The following CACNA1G variants were observed in gnomAD, a reference collection of about 807,000 sequenced individuals.
CACNA1G encodes calcium voltage-gated channel subunit alpha1 G.
In CACNA1G, 67 loss-of-function variants were observed where a neutral mutation model predicts 219.4. The ratio of observed to expected loss-of-function variants is 0.31; its 90% CI spans 0.25 to 0.37. The LOEUF (loss-of-function observed/expected upper bound fraction) is 0.37. CACNA1G is among the 10% of genes least tolerant of loss of function. The probability of loss-of-function intolerance (pLI) is 1.00; values close to 1 mark genes in which losing one functional copy is unlikely to be tolerated. For missense variants in CACNA1G, 2,380 were observed against 3,231.4 expected (o/e 0.74, Z 6.39); for synonymous variants, 1,296 against 1,345.3 (o/e 0.96, Z 0.80).
intron 14 of CACNA1G, among the ~76,000 whole-genome samples, chr17:50,595,437 A>G (rs2045332471): frequency 1.3e-5 from 2 of 152,304 alleles, no homozygotes; most frequent in Admixed American, 1.3e-4. Flanking sequence ...CAGTGGAGTC[A>G]AGATCTGGCC....
In CACNA1G at chr17:50,618,876, C is replaced by T. The variant is rs769256484; in HGVS notation, c.5649C>T (p.His1883=). The T allele has an allele frequency of 6.3e-5, 101 of 1,612,538 alleles. No individual in the cohort carries two copies. Among genetic ancestry groups the T allele is most frequent in the Non-Finnish European group, 8.4e-5 (99 of 1,179,656 alleles). The change falls in exon 33 of 38, where the codon CAC becomes CAT. Residue 1883 remains histidine (H), a synonymous_variant. Transcript: ENST00000359106. This position sits in a 1 kb window ranked among gnomAD's most constrained non-coding sequence, Gnocchi z 5.3. ...LEMKTLSPQP[H]SPLGSPFLWP... ...TGAAGACCCTCAGCCCCCAGCCCCA[C>T]TCGCCACTGGGCAGCCCCTTCCTCT...
At position 50,621,485 on chromosome 17, in the gene CACNA1G, C is replaced by T. The variant is rs1349946555; in HGVS notation, c.5926-175C>T. Among the ~76,000 whole-genome samples the T allele has an allele frequency of 2.0e-5, 3 of 152,090 alleles. No homozygotes were observed. The highest frequency in any genetic ancestry group is 2.0e-4 in the Admixed American group (3 of 15,280). ...GGGGGTTGAAGTGGGTGCGGGGAGG[C>T]ACTGTCAGCTTGTTTGGGGAAAGGG... On this transcript the variant is annotated intron_variant, in intron 34 of 37. Coordinates refer to ENST00000359106, the MANE Select transcript of CACNA1G (RefSeq NM_018896.5). This position sits in a 1 kb window ranked among gnomAD's most constrained non-coding sequence, Gnocchi z 4.6.
At chr17:50,583,015 T>C (rs1598268695) in intron 9 of CACNA1G, among the ~76,000 whole-genome samples, 1 of 151,988 alleles carries the variant, frequency 6.6e-6, no homozygotes, top group Non-Finnish European at 1.5e-5. Flanking sequence ...GAGGAGGTGG[T>C]CCAGATATGG....
chr17:50,608,525 G>GATATATATATAT (rs3063068), intron 25 of CACNA1G, among the ~76,000 whole-genome samples: 8 of 141,734 alleles, frequency 5.6e-5, no homozygotes, highest in African/African-American at 1.8e-4. Flanking sequence ...TTTCTACCAT[G>GATATATATATAT]ATATATATAT....
chr17:50,594,901 C>A, intron 13 of CACNA1G, 92 bp from the exon 14 acceptor site: 1 of 977,188 alleles, frequency 1.0e-6, no homozygotes, highest in South Asian at 1.4e-5. Flanking sequence ...TGCGCCCCTC[C>A]TTTTCTTCAT....
Position 50,626,453 on chromosome 17 carries a change from C to T in CACNA1G, c.6836C>T (p.Ser2279Phe). Residue 2279 changes from serine (S) to phenylalanine (F), a missense_variant, in exon 38 of 38, where the codon TCC (serine) becomes TTC (phenylalanine). Physicochemically the swap from Ser to Phe is radical, Grantham distance 155 (BLOSUM62 -2). Transcript: ENST00000359106. The surrounding 1 kb of genome is among the most constrained non-coding windows in gnomAD (Gnocchi z 4.3). ...SIAVSCLDSG[S>F]QPHLGTDPSN... ...GCCGTCAGCTGCCTGGACAGCGGCT[C>T]CCAACCCCACCTGGGCACAGACCCC... 6 of 1,603,272 alleles carry T rather than the reference C, an allele frequency of 3.7e-6. No homozygotes were observed. Among genetic ancestry groups the T allele is most frequent in the Non-Finnish European group, 5.1e-6 (6 of 1,175,690 alleles).
At chr17:50,588,789 A>G (rs1638392909) in intron 9 of CACNA1G, among the ~76,000 whole-genome samples, 1 of 152,108 alleles carries the variant, frequency 6.6e-6, no homozygotes, top group Admixed American at 6.5e-5. Flanking sequence ...CCTGCCTTTG[A>G]ACAGTCTGAA....
In CACNA1G at chr17:50,596,193, G is replaced by T. The variant is rs1312851889; in HGVS notation, c.2980-369G>T. Among the ~76,000 whole-genome samples the T allele has an allele frequency of 6.6e-6, 1 of 152,296 alleles. No individual in the cohort carries two copies. The highest frequency in any genetic ancestry group is 1.5e-5 in the Non-Finnish European group (1 of 68,026). On this transcript the variant is annotated intron_variant, in intron 14 of 37. Coordinates refer to ENST00000359106, the MANE Select transcript of CACNA1G (RefSeq NM_018896.5). This position sits in a 1 kb window ranked among gnomAD's most constrained non-coding sequence, Gnocchi z 4.8. Reference sequence around the variant, plus strand: ...CCTCCAGTGAACTTTTGCAAGAGAGGCTCTAGTGACCACTTCACTCAGGTC... The same window carrying T: ...CCTCCAGTGAACTTTTGCAAGAGAGTCTCTAGTGACCACTTCACTCAGGTC...
chr17:50,580,018 G>T (rs1266235862), intron 9 of CACNA1G, among the ~76,000 whole-genome samples: 1 of 152,074 alleles, frequency 6.6e-6, no homozygotes, highest in Non-Finnish European at 1.5e-5. Context: ...TGCTCGACCT[G>T]GCCAGGTGCA....
Position 50,600,836 on chromosome 17 carries a change from A to G in CACNA1G, c.3791+10A>G, listed in dbSNP as rs1317453278. 6.2e-7 allele frequency: 1 copy of G among 1,609,778 alleles called. No individual in the cohort carries two copies. Among genetic ancestry groups the G allele is most frequent in the South Asian group, 1.1e-5 (1 of 90,978 alleles). On this transcript the variant is annotated intron_variant, in intron 18 of 37. Transcript: ENST00000359106. This position sits in a 1 kb window ranked among gnomAD's most constrained non-coding sequence, Gnocchi z 4.1. Reference sequence around the variant, plus strand: ...TCCCTCCTCAGTCCAGGTAAGTGACAGGGCAGGGGTCTGACCTGTGTCCCG... The same window carrying G: ...TCCCTCCTCAGTCCAGGTAAGTGACGGGGCAGGGGTCTGACCTGTGTCCCG...
intron 9 of CACNA1G, 55 bp from the exon 10 acceptor site, chr17:50,590,416 G>A: frequency 6.3e-7 from 1 of 1,599,476 alleles, no homozygotes; most frequent in Non-Finnish European, 8.5e-7. Flanking sequence ...TTGGAGGACT[G>A]GATCGAGGGG....
chr17:50,602,808 C>G lies in CACNA1G; in HGVS notation c.3916-12C>G, dbSNP rs2047025033. The G allele has an allele frequency of 3.1e-6, 5 of 1,613,510 alleles. No homozygotes were observed. The highest frequency in any genetic ancestry group is 4.2e-6 in the Non-Finnish European group (5 of 1,179,728). ...TTCCTGGCGGGCAACCCCTGCCTCC[C>G]CTCTCTTGCAGGAACGCATCTTCCT... On this transcript the variant is annotated splice_polypyrimidine_tract_variant and intron_variant, in intron 19 of 37. Transcript: ENST00000359106.
Position 50,617,705 on chromosome 17 carries a change from G to T in CACNA1G, c.5155+134G>T. On this transcript the variant is annotated intron_variant, in intron 29 of 37. Coordinates refer to ENST00000359106, the MANE Select transcript of CACNA1G (RefSeq NM_018896.5). The surrounding 1 kb of genome is among the most constrained non-coding windows in gnomAD (Gnocchi z 5.8). Reference sequence around the variant, plus strand: ...GGGTCTTTCTCCCAGCTTCTGCCAAGGGAGGCTGGAGACAGGGCTGAGGAT... The same window carrying T: ...GGGTCTTTCTCCCAGCTTCTGCCAATGGAGGCTGGAGACAGGGCTGAGGAT... 1 of 1,439,518 alleles carries T rather than the reference G, an allele frequency of 6.9e-7. No homozygotes were observed. The highest frequency in any genetic ancestry group is 2.4e-5 in the East Asian group (1 of 41,890). 89.2% of individuals were successfully genotyped at this position (1,439,518 alleles called of 1,614,324 possible).
In CACNA1G at chr17:50,596,844, A is replaced by G; in HGVS notation, c.3179A>G (p.Glu1060Gly). The change falls in exon 16 of 38, where the codon GAG becomes GGG. Residue 1060 changes from glutamate (E) to glycine (G), a missense_variant. Transcript: ENST00000359106. This position sits in a 1 kb window ranked among gnomAD's most constrained non-coding sequence, Gnocchi z 4.8. ...AAGAGCACCAGCACGGGCCTGGGCG[A>G]GGCGCTGGGCCCTGCGTCGCGCCGC... ...LPKSTSTGLG[E>G]ALGPASRRTS... The G allele has an allele frequency of 6.2e-7, 1 of 1,605,342 alleles. No homozygotes were observed.
In CACNA1G at chr17:50,578,200, G is replaced by A; in HGVS notation, c.1937G>A (p.Ser646Asn). The A allele has an allele frequency of 6.3e-7, 1 of 1,579,610 alleles. No individual in the cohort carries two copies. Among genetic ancestry groups the A allele is most frequent in the Non-Finnish European group, 8.6e-7 (1 of 1,161,004 alleles). The change falls in exon 9 of 38, where the codon AGC becomes AAC. Residue 646 changes from serine to asparagine, a missense_variant. Ser to Asn is a conservative substitution (Grantham distance 46). Coordinates refer to ENST00000359106, the MANE Select transcript of CACNA1G (RefSeq NM_018896.5). This position sits in a 1 kb window ranked among gnomAD's most constrained non-coding sequence, Gnocchi z 4.5. ...TCTCCTGTTCCAGGTGCCTGCCAAA[G>A]CTCTTGCAAGATCTCCAGCCCTTGC... ...LETQSTGACQ[S>N]SCKISSPCLK...
At chr17:50,594,309 A>C (rs928149598) in intron 13 of CACNA1G, among the ~76,000 whole-genome samples, 1 of 152,248 alleles carries the variant, frequency 6.6e-6, no homozygotes, top group Non-Finnish European at 1.5e-5. Flanking sequence ...ATAACATCAG[A>C]GCCATCATCT....
intron 36 of CACNA1G, 31 bp from the exon 37 acceptor site, chr17:50,624,324 TCCCCC>T: frequency 8.5e-7 from 1 of 1,177,664 alleles, no homozygotes; most frequent in Non-Finnish European, 1.2e-6. Context: ...CTCCATTCTC[TCCCCC>T]CACCCCTCCC....
intron 24 of CACNA1G, chr17:50,607,232 A>G (rs969642833): frequency 1.1e-5 from 6 of 531,498 alleles, no homozygotes; most frequent in Non-Finnish European, 2.1e-5. Flanking sequence ...GGCTGTGTGC[A>G]GTGGCTCACA....
chr17:50,599,865 G>GC lies in CACNA1G; in HGVS notation c.3690+10dup, dbSNP rs764039139. On this transcript the variant is annotated splice_region_variant and intron_variant, in intron 17 of 37. Coordinates refer to ENST00000359106, the MANE Select transcript of CACNA1G (RefSeq NM_018896.5). ...CCGATGACGAGGGCAACCTGGTGAG[G>GC]CCCCTGTGGGCACAGTGACCCCTCA... 3.7e-6 allele frequency: 6 copies of GC among 1,601,728 alleles called. No homozygotes were observed. The highest frequency in any genetic ancestry group is 1.6e-4 in the Middle Eastern group (1 of 6,068).
Sources: gnomAD v4.1 joint callset for allele counts (sites outside exome capture counted in the v4.1 genomes callset) on GRCh38, gnomAD v4.1.1 for gene constraint, Gnocchi (gnomAD v3.1) non-coding constraint, MANE v1.5 for transcripts, NCBI Gene and HGNC (gene_info 2026-07-23, HGNC 2026-07-21) for gene names.